Variants in UGT2A2 observed in about 807,000 individuals in gnomAD.
The protein encoded by UGT2A2 is UDP-glucuronosyltransferase 2A2.
UGT2A2 carries 60 observed loss-of-function variants against 50.7 expected under a neutral mutation model. The observed-to-expected ratio is 1.18, with a 90% CI of 0.96 to 1.47. The LOEUF is 1.47. Among genes scored for constraint, UGT2A2 ranks in the 40% most tolerant of loss-of-function variants. The pLI, the probability that UGT2A2 is intolerant of heterozygous loss-of-function variation, is 0.00. For synonymous variants in UGT2A2, 242 were observed against 214.6 expected (o/e 1.13, Z -1.11); for missense variants, 762 against 634.0 (o/e 1.20, Z -2.17).
chr4:69,636,308 A>G (rs1013874306), intron 1 of UGT2A2, among the ~76,000 whole-genome samples: 5 of 152,158 alleles, frequency 3.3e-5, no homozygotes, highest in Non-Finnish European at 7.4e-5. Context: ...CTCTTTCAAT[A>G]TCAGTTTACA....
intron 1 of UGT2A2, among the ~76,000 whole-genome samples, chr4:69,635,369 T>G (rs1721617141): frequency 6.6e-6 from 1 of 152,190 alleles, no homozygotes; most frequent in South Asian, 2.1e-4. Context: ...AAAAGACACA[T>G]GCAAAATGGA....
At chr4:69,613,392 T>C (rs1174825070) in intron 1 of UGT2A2, among the ~76,000 whole-genome samples, 1 of 151,978 alleles carries the variant, frequency 6.6e-6, no homozygotes, top group Non-Finnish European at 1.5e-5. Context: ...CACTGTTGAA[T>C]TCTACCAAAC....
intron 3 of UGT2A2, 25 bp from the exon 4 acceptor site, chr4:69,595,274 T>C (rs1718856867): frequency 6.2e-7 from 1 of 1,611,806 alleles, no homozygotes; most frequent in East Asian, 2.2e-5. Flanking sequence ...GCTTTAATTT[T>C]GCAAGGAAAA....
intron 5 of UGT2A2, among the ~76,000 whole-genome samples, chr4:69,593,280 T>C (rs1359644170): frequency 6.6e-6 from 1 of 151,438 alleles, no homozygotes; most frequent in Non-Finnish European, 1.5e-5. Flanking sequence ...GAACACTGAG[T>C]CCCTTAAAAT....
At chr4:69,625,334 A>C (rs1381794513) in intron 1 of UGT2A2, among the ~76,000 whole-genome samples, 1 of 151,052 alleles carries the variant, frequency 6.6e-6, no homozygotes, top group Non-Finnish European at 1.5e-5. Flanking sequence ...AATTCACCAA[A>C]TTTGAAAAAT....
intron 4 of UGT2A2, 134 bp from the exon 5 acceptor site, chr4:69,594,830 A>G: frequency 8.8e-7 from 1 of 1,138,972 alleles, no homozygotes; most frequent in Non-Finnish European, 1.2e-6. Context: ...CAGATCACAT[A>G]GGGCATTGGA....
At chr4:69,619,857 A>G (rs544556270) in intron 1 of UGT2A2, among the ~76,000 whole-genome samples, 1 of 152,168 alleles carries the variant, frequency 6.6e-6, no homozygotes, top group South Asian at 2.1e-4. Flanking sequence ...ACATACACAA[A>G]TCAATACATG....
chr4:69,639,290 G>T lies in UGT2A2; in HGVS notation c.351C>A (p.Tyr117Ter). Residue 117 changes from tyrosine (Y) to a stop codon, truncating the protein, a stop_gained, in exon 1 of 6, where the codon TAC becomes TAA. Transcript: ENST00000604629. LOFTEE classifies it high-confidence loss of function. ...RPTPLTIWAF[Y>*]KELGKLLDTF... ...TGTCTAGAAGTTTTCCTAGTTCTTT[G>T]TAGAAAGCCCATATTGTGAGAGGAG... 1 of 1,613,658 alleles carries T rather than the reference G, an allele frequency of 6.2e-7. No homozygotes were observed. Among genetic ancestry groups the T allele is most frequent in the Non-Finnish European group, 8.5e-7 (1 of 1,179,720 alleles).
At chr4:69,630,097 T>C (rs1349445487) in intron 1 of UGT2A2, among the ~76,000 whole-genome samples, 1 of 152,036 alleles carries the variant, frequency 6.6e-6, no homozygotes, top group Non-Finnish European at 1.5e-5. Context: ...TAAGATTATA[T>C]TAAAAGATTA....
chr4:69,619,481 A>G (rs948806103), intron 1 of UGT2A2, among the ~76,000 whole-genome samples: 13 of 152,058 alleles, frequency 8.5e-5, no homozygotes, highest in South Asian at 4.1e-4. Context: ...GCAGTCTTAC[A>G]TACCCCATAC....
Position 69,589,521 on chromosome 4 carries a change from G to A in UGT2A2, c.1462C>T (p.His488Tyr), listed in dbSNP as rs1436404647. 5 of 1,614,090 alleles carry A rather than the reference G, an allele frequency of 3.1e-6. No individual in the cohort carries two copies. Among genetic ancestry groups the A allele is most frequent in the Non-Finnish European group, 4.2e-6 (5 of 1,179,992 alleles). The change falls in exon 6 of 6, where the codon CAT (histidine) becomes TAT (tyrosine). Residue 488 changes from histidine (H) to tyrosine (Y), a missense_variant. Coordinates refer to ENST00000604629, the MANE Select transcript of UGT2A2 (RefSeq NM_001105677.2). ...KGAKHLRVAA[H>Y]DLTWFQYHSL... ...TGGTACTGGAACCAGGTGAGGTCAT[G>A]GGCTGCAACCCGAAGGTGCTTGGCT...
rs34670944 is a variant in UGT2A2 at position 69,612,907 on chromosome 4, G to GAAAA, written c.743-13517_743-13514dup. On this transcript the variant is annotated intron_variant, in intron 1 of 5. Transcript: ENST00000604629. ...CATAATTAAATAAAGAACCTCTGCA[G>GAAAA]AAAAAAAAAAAAACTATCCAGAGAG... Among the ~76,000 whole-genome samples the GAAAA allele has an allele frequency of 3.4e-3, 472 of 140,024 alleles. 2 individuals carry two copies. Among genetic ancestry groups the GAAAA allele is most frequent in the African/African-American group, 9.6e-3 (366 of 37,998 alleles). The allele number at this position is 140,024 out of a possible 152,430, so 91.9% of individuals were successfully genotyped here.
chr4:69,594,533 G>A lies in UGT2A2; in HGVS notation c.1275C>T (p.Asn425=). The A allele has an allele frequency of 6.2e-7, 1 of 1,614,168 alleles. No individual in the cohort carries two copies. The highest frequency in any genetic ancestry group is 8.5e-7 in the Non-Finnish European group (1 of 1,180,014). Residue 425 remains asparagine, a synonymous_variant, in exon 5 of 6, where the codon AAC becomes AAT. Transcript: ENST00000604629. The stretch of plus-strand genomic sequence containing the variant: ...TAAGCAAATCCACACTTGTCATTGT[G>A]TTTAGGTTCACTTCCACAGCTGCTC... ...AKGAAVEVNL[N]TMTSVDLLSA...
chr4:69,591,507 T>C (rs899416364), intron 5 of UGT2A2, among the ~76,000 whole-genome samples: 2 of 152,122 alleles, frequency 1.3e-5, no homozygotes, highest in Non-Finnish European at 2.9e-5. Flanking sequence ...AGCCTTCAGG[T>C]AGTAGGCTTC....
chr4:69,605,099 C>T (rs1719527400), intron 1 of UGT2A2, among the ~76,000 whole-genome samples: 1 of 136,848 alleles, frequency 7.3e-6, no homozygotes, highest in Admixed American at 7.2e-5. Flanking sequence ...ATTATCCACC[C>T]CAAATCAACA....
chr4:69,590,279 C>G (rs1429950677), intron 5 of UGT2A2, among the ~76,000 whole-genome samples: 1 of 152,034 alleles, frequency 6.6e-6, no homozygotes, highest in African/African-American at 2.4e-5. Context: ...GAAACATCTC[C>G]CTAGAATTAG....
chr4:69,603,318 A>G lies in UGT2A2; in HGVS notation c.743-3924T>C, dbSNP rs1427308907. 1.5e-5 allele frequency among the ~76,000 whole-genome samples: 2 copies of G among 137,024 alleles called. 1 individual carries two copies. The allele number at this position is 137,024 out of a possible 152,430, so 89.9% of individuals were successfully genotyped here. On this transcript the variant is annotated intron_variant, in intron 1 of 5. Coordinates refer to ENST00000604629, the MANE Select transcript of UGT2A2 (RefSeq NM_001105677.2). Reference sequence around the variant, plus strand: ...ATAGTGAAAAAAAACAAAACCACTTATGTAATGAAATTCATGAATGACAAA... The same window carrying G: ...ATAGTGAAAAAAAACAAAACCACTTGTGTAATGAAATTCATGAATGACAAA...
intron 1 of UGT2A2, among the ~76,000 whole-genome samples, chr4:69,626,001 GA>G (rs1721035231): frequency 6.6e-6 from 1 of 151,520 alleles, no homozygotes; most frequent in South Asian, 2.1e-4. Context: ...AGCTGTTTTA[GA>G]GTACTTGTCT....
chr4:69,608,590 A>T lies in UGT2A2; in HGVS notation c.743-9196T>A, dbSNP rs1189157379. 2.6e-5 allele frequency among the ~76,000 whole-genome samples: 4 copies of T among 152,220 alleles called. No homozygotes were observed. The East Asian group carries it at 7.7e-4, about 29-fold the overall frequency. On this transcript the variant is annotated intron_variant, in intron 1 of 5. Coordinates refer to ENST00000604629, the MANE Select transcript of UGT2A2 (RefSeq NM_001105677.2). Reference sequence around the variant, plus strand: ...AAAAAGAAAAAGAAAAAAAGAAAATAGGTAGGCTGAGAGGGAGTCAGGGAA... The same window carrying T: ...AAAAAGAAAAAGAAAAAAAGAAAATTGGTAGGCTGAGAGGGAGTCAGGGAA...
Sources: gnomAD v4.1 joint callset for allele counts (sites outside exome capture counted in the v4.1 genomes callset) on GRCh38, gnomAD v4.1.1 for gene constraint, MANE v1.5 for transcripts, NCBI Gene and HGNC (gene_info 2026-07-23, HGNC 2026-07-21) for gene names.